Variants in MRFAP1L2 observed in about 807,000 individuals in gnomAD.
MRFAP1L2 encodes Morf4 family associated protein 1 like 2, also known as MORF4 family-associated protein 1-like protein UPP.
the MRFAP1L2 span, chr4:6,674,267 C>G: frequency 2.1e-6 from 1 of 477,264 alleles, no homozygotes. Flanking sequence ...GCCGGGCAGC[C>G]CGCTGAGCCC....
At chr4:6,675,128 G>C in the MRFAP1L2 span, 1 of 152,240 alleles carries the variant, frequency 6.6e-6, no homozygotes, top group African/African-American at 2.4e-5. Flanking sequence ...TCAATTTCCA[G>C]TACCATCCTG....
chr4:6,674,748 A>G, the MRFAP1L2 span: 5 of 510,130 alleles, frequency 9.8e-6, no homozygotes, highest in African/African-American at 8.2e-5. Flanking sequence ...GTAAAGAGTC[A>G]TGACCACTGG....
At chr4:6,674,593 C>T in the MRFAP1L2 span, 1 of 613,516 alleles carries the variant, frequency 1.6e-6, no homozygotes, top group Admixed American at 2.8e-5. Flanking sequence ...CCGCGCGGGT[C>T]TGGAGCGGAG....
the MRFAP1L2 span, chr4:6,674,800 G>T: frequency 2.1e-6 from 1 of 469,816 alleles, no homozygotes; most frequent in South Asian, 3.3e-5. Flanking sequence ...ACTACGTGGG[G>T]GGAGAGAGGT....
At chr4:6,674,494 GA>G in the MRFAP1L2 span, 1 of 671,274 alleles carries the variant, frequency 1.5e-6, no homozygotes, top group East Asian at 3.1e-5. Flanking sequence ...AAGCAGAGAG[GA>G]AGGCTGCGGA....
At chr4:6,674,476 G>T in the MRFAP1L2 span, 1 of 666,432 alleles carries the variant, frequency 1.5e-6, no homozygotes, top group South Asian at 1.5e-5. Flanking sequence ...TGGCTCGGCT[G>T]TGCGCCGAAG....
At chr4:6,675,734 C>T in the MRFAP1L2 span, 1 of 152,044 alleles carries the variant, frequency 6.6e-6, no homozygotes, top group East Asian at 1.9e-4. Context: ...TTGGGGTAAA[C>T]AACTTTGTTA....
the MRFAP1L2 span, chr4:6,674,837 G>C: frequency 2.4e-6 from 1 of 414,480 alleles, no homozygotes. Context: ...TGCTGGAAAC[G>C]TGTGAATGTT....
the MRFAP1L2 span, chr4:6,674,826 A>C: frequency 4.6e-6 from 2 of 431,366 alleles, no homozygotes; most frequent in Non-Finnish European, 8.2e-6. Flanking sequence ...GCGGAGGTAC[A>C]TGCTGGAAAC....
the MRFAP1L2 span, chr4:6,674,119 T>A: frequency 2.6e-6 from 1 of 382,544 alleles, no homozygotes; most frequent in Non-Finnish European, 4.6e-6. Flanking sequence ...GGCAACCTGT[T>A]GCTAGTCTGG....
the MRFAP1L2 span, chr4:6,675,353 G>C: frequency 3.3e-5 from 5 of 152,150 alleles, no homozygotes; most frequent in Admixed American, 3.3e-4. Flanking sequence ...TATGCTTCCT[G>C]GAATTTGGGG....
chr4:6,674,483 G>GA, the MRFAP1L2 span: 2 of 667,560 alleles, frequency 3.0e-6, no homozygotes, highest in Non-Finnish European at 5.4e-6. Flanking sequence ...GCTGTGCGCC[G>GA]AAGCAGAGAG....
the MRFAP1L2 span, chr4:6,675,352 TG>T: frequency 3.9e-5 from 6 of 152,230 alleles, no homozygotes; most frequent in African/African-American, 1.4e-4. Flanking sequence ...TTATGCTTCC[TG>T]GAATTTGGGG....
the MRFAP1L2 span, chr4:6,674,833 A>G: frequency 2.4e-6 from 1 of 422,180 alleles, no homozygotes; most frequent in Non-Finnish European, 4.2e-6. Context: ...TACATGCTGG[A>G]AACGTGTGAA....
At chr4:6,674,131 CGTT>C in the MRFAP1L2 span, 1 of 385,102 alleles carries the variant, frequency 2.6e-6, no homozygotes, top group East Asian at 3.7e-5. Flanking sequence ...CTAGTCTGGT[CGTT>C]GGTGACAGCG....
the MRFAP1L2 span, chr4:6,674,401 G>A: frequency 3.1e-6 from 2 of 654,544 alleles, no homozygotes; most frequent in Non-Finnish European, 5.5e-6. Flanking sequence ...AGAGTGAGGT[G>A]GAGGCAGAGG....
chr4:6,674,530 C>T, the MRFAP1L2 span: 4 of 669,400 alleles, frequency 6.0e-6, no homozygotes, highest in East Asian at 3.1e-5. Flanking sequence ...GCAGGCGGAT[C>T]GTGGAGCTGC....
the MRFAP1L2 span, chr4:6,674,433 C>T: frequency 1.5e-6 from 1 of 656,800 alleles, no homozygotes; most frequent in Non-Finnish European, 2.7e-6. Flanking sequence ...CGGGCCCCAG[C>T]ACCCCGCCCG....
At chr4:6,674,253 A>T in the MRFAP1L2 span, 18 of 426,732 alleles carry the variant, frequency 4.2e-5, no homozygotes, top group Admixed American at 8.6e-5. Context: ...GAGCCCCGCG[A>T]GGAGCCGGGC....
Sources: allele counts gnomAD v4.1 joint callset, GRCh38; gene constraint gnomAD v4.1.1; transcripts MANE v1.5; gene names NCBI Gene and HGNC (gene_info 2026-07-23, HGNC 2026-07-21).